MITF: variants seen among roughly 807,000 people sequenced by gnomAD.
MITF encodes the protein melanocyte inducing transcription factor.
In MITF, 17 loss-of-function variants were observed where a neutral mutation model predicts 60.5. The ratio of observed to expected loss-of-function variants is 0.28; its 90% CI spans 0.19 to 0.42. The LOEUF is 0.42. Ranked by LOEUF, MITF falls within the 10% of genes least tolerant of loss-of-function variation. The pLI is 1.00. For synonymous variants in MITF, 260 were observed against 248.5 expected (o/e 1.05, Z -0.43); for missense variants, 622 against 683.5 (o/e 0.91, Z 1.00).
Position 69,939,148 on chromosome 3 carries a change from C to T in MITF, c.633C>T (p.Gly211=). The T allele has an allele frequency of 6.2e-7, 1 of 1,614,082 alleles. No individual in the cohort carries two copies. The highest frequency in any genetic ancestry group is 2.2e-5 in the East Asian group (1 of 44,834). ...EQNRAESECP[G]MNTHSRASCM... ...ACAGGGCAGAGAGCGAGTGCCCAGGCATGAACACACATTCACGAGCGTCCT... is the reference window on the plus strand; with the variant it reads ...ACAGGGCAGAGAGCGAGTGCCCAGGTATGAACACACATTCACGAGCGTCCT... Residue 211 remains glycine, a synonymous_variant, in exon 4 of 10, where the codon GGC becomes GGT. Transcript: ENST00000352241.
At chr3:69,780,277 G>A (rs1175448512) in intron 1 of MITF, among the ~76,000 whole-genome samples, 5 of 152,096 alleles carry the variant, frequency 3.3e-5, no homozygotes, top group East Asian at 1.9e-4. Flanking sequence ...CTATAGGTCC[G>A]GTGTGGCTGG....
chr3:69,756,424 G>A (rs545706524), intron 1 of MITF, among the ~76,000 whole-genome samples: 69 of 151,894 alleles, frequency 4.5e-4, no homozygotes, highest in African/African-American at 1.6e-3. Flanking sequence ...GGGAATGATG[G>A]TTTCCAGCTT....
intron 2 of MITF, among the ~76,000 whole-genome samples, chr3:69,930,389 A>G (rs1334647142): frequency 6.6e-6 from 1 of 152,218 alleles, no homozygotes; most frequent in Non-Finnish European, 1.5e-5. Flanking sequence ...ATCGAAAGCC[A>G]AGTAAATAAC....
chr3:69,874,893 G>A (rs2064318934), intron 1 of MITF, among the ~76,000 whole-genome samples: 1 of 152,178 alleles, frequency 6.6e-6, no homozygotes, highest in African/African-American at 2.4e-5. Flanking sequence ...ATAGTTCAGA[G>A]CCCATGTCCA....
At position 69,948,907 on chromosome 3, in the gene MITF, A is replaced by G. The variant is rs1158894342; in HGVS notation, c.763-144A>G. 4 of 676,618 alleles carry G rather than the reference A, an allele frequency of 5.9e-6. No individual in the cohort carries two copies. In the African/African-American group the frequency reaches 7.2e-5, roughly 12 times the overall value. 41.9% of individuals were successfully genotyped at this position (676,618 alleles called of 1,614,324 possible). Reference sequence around the variant, plus strand: ...AATACCTGTGAATGAAAAAGTAAACATCTCATATTTTCCTATTTTAAAAAT... The same window carrying G: ...AATACCTGTGAATGAAAAAGTAAACGTCTCATATTTTCCTATTTTAAAAAT... On this transcript the variant is annotated intron_variant, in intron 5 of 9. Coordinates refer to ENST00000352241, the MANE Select transcript of MITF (RefSeq NM_001354604.2).
chr3:69,872,104 A>T (rs2064252066), intron 1 of MITF, among the ~76,000 whole-genome samples: 1 of 152,194 alleles, frequency 6.6e-6, no homozygotes, highest in Non-Finnish European at 1.5e-5. Flanking sequence ...TCTGCTTCAT[A>T]ACCTTTCAAT....
intron 6 of MITF, among the ~76,000 whole-genome samples, chr3:69,951,205 C>T (rs542300822): frequency 3.3e-5 from 5 of 150,868 alleles, no homozygotes; most frequent in South Asian, 2.1e-4. Context: ...TCAAGTGATC[C>T]TCCCACCTCA....
At position 69,890,505 on chromosome 3, in the gene MITF, A is replaced by G. The variant is rs554842227; in HGVS notation, c.354+11122A>G. Among the ~76,000 whole-genome samples the G allele has an allele frequency of 3.0e-4, 46 of 152,300 alleles. No individual in the cohort carries two copies. In the South Asian group the frequency reaches 9.3e-3, roughly 31 times the overall value. ...TAGGGGACAAGGAGATTAGTTAATC[A>G]TACATTGTTCTTTACCATACATTAC... On this transcript the variant is annotated intron_variant, in intron 2 of 9. Coordinates refer to ENST00000352241, the MANE Select transcript of MITF (RefSeq NM_001354604.2).
chr3:69,809,618 C>G (rs2063068535), intron 1 of MITF, among the ~76,000 whole-genome samples: 2 of 148,748 alleles, frequency 1.3e-5, no homozygotes, highest in Non-Finnish European at 1.5e-5. Context: ...CATCAATGAA[C>G]TAAGTACATT....
At chr3:69,865,833 A>T (rs1446670430) in intron 1 of MITF, among the ~76,000 whole-genome samples, 1 of 152,146 alleles carries the variant, frequency 6.6e-6, no homozygotes. Flanking sequence ...CCAAACTGAG[A>T]GGGGACACAA....
rs773968803 is a variant in MITF at position 69,953,611 on chromosome 3, GTA to G, written c.955+1737_955+1738del. 4.3e-3 allele frequency among the ~76,000 whole-genome samples: 549 copies of G among 127,776 alleles called. 3 individuals carry two copies. The highest frequency in any genetic ancestry group is 0.01 in the East Asian group (45 of 4,444). The allele number at this position is 127,776 out of a possible 152,430, so 83.8% of individuals were successfully genotyped here. ...TGTATATATATATATGTATGTATATGTATATATATATATGTGTGTATATATAT... is the reference window on the plus strand; with the variant it reads ...TGTATATATATATATGTATGTATATGTATATATATATGTGTGTATATATAT... On this transcript the variant is annotated intron_variant, in intron 7 of 9. Transcript: ENST00000352241.
At chr3:69,847,411 C>T (rs984578779) in intron 1 of MITF, among the ~76,000 whole-genome samples, 1 of 152,114 alleles carries the variant, frequency 6.6e-6, no homozygotes, top group Non-Finnish European at 1.5e-5. Context: ...TGAAAAGTGG[C>T]GTGAAGGCCA....
chr3:69,820,328 A>C (rs150427059), intron 1 of MITF, among the ~76,000 whole-genome samples: 9 of 152,272 alleles, frequency 5.9e-5, no homozygotes, highest in African/African-American at 1.9e-4. Flanking sequence ...AGGGATGTTC[A>C]TGGAACTCTG....
chr3:69,946,263 T>G (rs2107503546), intron 5 of MITF, among the ~76,000 whole-genome samples: 1 of 152,296 alleles, frequency 6.6e-6, no homozygotes, highest in South Asian at 2.1e-4. Context: ...GGCAGGATTT[T>G]AATCCGGATC....
chr3:69,878,698 G>T (rs1428216122), intron 1 of MITF, among the ~76,000 whole-genome samples: 4 of 152,010 alleles, frequency 2.6e-5, no homozygotes, highest in Non-Finnish European at 5.9e-5. Context: ...CATCTTCAAA[G>T]AACTTAGATA....
At chr3:69,946,411 C>G (rs2066097155) in intron 5 of MITF, among the ~76,000 whole-genome samples, 1 of 152,136 alleles carries the variant, frequency 6.6e-6, no homozygotes, top group Non-Finnish European at 1.5e-5. Flanking sequence ...CAGTTTCTAA[C>G]TGGTTAATAT....
chr3:69,968,308 C>T lies in MITF; in HGVS notation c.*3060C>T, dbSNP rs768539283. 35 of 228,334 alleles carry T rather than the reference C, an allele frequency of 1.5e-4. No homozygotes were observed. The highest frequency in any genetic ancestry group is 3.0e-4 in the Non-Finnish European group (35 of 114,886). 14.1% of individuals were successfully genotyped at this position (228,334 alleles called of 1,614,324 possible). On this transcript the variant is annotated 3_prime_UTR_variant, in exon 10 of 10. Transcript: ENST00000352241. ...GAAATAATCGACTTGTTCTTGATAGCCTCATTAAAGCATTTGGTTTTTCAC... is the reference window on the plus strand; with the variant it reads ...GAAATAATCGACTTGTTCTTGATAGTCTCATTAAAGCATTTGGTTTTTCAC...
intron 3 of MITF, chr3:69,938,785 T>C (rs2065903307): frequency 6.6e-6 from 9 of 1,364,890 alleles, no homozygotes; most frequent in Non-Finnish European, 8.5e-6. Flanking sequence ...TTTACCGTAC[T>C]ATGGACTATG....
intron 1 of MITF, among the ~76,000 whole-genome samples, chr3:69,816,609 C>T (rs1047939782): frequency 1.3e-5 from 2 of 152,118 alleles, no homozygotes; most frequent in South Asian, 2.1e-4. Context: ...ATGTGGACTT[C>T]GGATTTGGTT....
Sources: gnomAD v4.1 joint callset for allele counts (sites outside exome capture counted in the v4.1 genomes callset) on GRCh38, gnomAD v4.1.1 for gene constraint, MANE v1.5 for transcripts, NCBI Gene and HGNC (gene_info 2026-07-23, HGNC 2026-07-21) for gene names.